The following ADAMTS20 variants were observed in gnomAD, a reference collection of about 807,000 sequenced individuals.
ADAMTS20 encodes A disintegrin and metalloproteinase with thrombospondin motifs 20.
In ADAMTS20, 225 loss-of-function variants were observed where a neutral mutation model predicts 260.1. The observed-to-expected ratio is 0.87, with a 90% CI of 0.78 to 0.97. The LOEUF (loss-of-function observed/expected upper bound fraction) is 0.97. Ranked by LOEUF, ADAMTS20 falls within the 50% of genes least tolerant of loss-of-function variation. The probability of loss-of-function intolerance (pLI) is 0.00; values close to 1 mark genes in which losing one functional copy is unlikely to be tolerated. For missense variants in ADAMTS20, 2,400 were observed against 2,337.7 expected, an observed-to-expected ratio of 1.03 and a Z score of -0.55; for synonymous variants, 802 against 769.5, an observed-to-expected ratio of 1.04 and a Z score of -0.70.
At chr12:43,454,848 T>G (rs1183503943) in intron 11 of ADAMTS20, among the ~76,000 whole-genome samples, 1 of 152,238 alleles carries the variant, frequency 6.6e-6, no homozygotes. Context: ...AGAGAAATTT[T>G]ATGTCTAAGT....
intron 12 of ADAMTS20, 145 bp downstream of exon 12, chr12:43,453,762 T>C: frequency 1.3e-6 from 1 of 747,416 alleles, no homozygotes. Flanking sequence ...AAAATATAAA[T>C]CAATGTGACT....
intron 7 of ADAMTS20, among the ~76,000 whole-genome samples, chr12:43,488,183 T>G (rs1418431693): frequency 6.6e-6 from 1 of 152,016 alleles, no homozygotes; most frequent in Non-Finnish European, 1.5e-5. Flanking sequence ...TAAAAAGTAA[T>G]GTTTAGATGA....
chr12:43,456,750 A>G (rs1191489342), intron 11 of ADAMTS20, among the ~76,000 whole-genome samples: 1 of 152,176 alleles, frequency 6.6e-6, no homozygotes, highest in African/African-American at 2.4e-5. Flanking sequence ...GTTGGACTGC[A>G]TAGTCTAAGC....
rs777956285 is a variant in ADAMTS20 at position 43,383,691 on chromosome 12, C to T, written c.4664G>A (p.Arg1555Gln). ...GATTTGGTTATCTGTGCACTCCATTCGTTGATGTGAATCTTTTCTCTCACA... is the reference window on the plus strand; with the variant it reads ...GATTTGGTTATCTGTGCACTCCATTTGTTGATGTGAATCTTTTCTCTCACA... ...TSCERKDSHQ[R>Q]MECTDNQIRQ... The change falls in exon 31 of 39, where the codon CGA becomes CAA. Residue 1555 changes from arginine to glutamine, a missense_variant. By Grantham distance (43) the Arg-to-Gln change is conservative (BLOSUM62 1). Transcript: ENST00000389420. 4.3e-6 allele frequency: 7 copies of T among 1,613,744 alleles called. No homozygotes were observed. The highest frequency in any genetic ancestry group is 2.2e-5 in the East Asian group (1 of 44,896).
chr12:43,385,157 C>T (rs1316607111), intron 29 of ADAMTS20, among the ~76,000 whole-genome samples: 2 of 152,116 alleles, frequency 1.3e-5, no homozygotes, highest in East Asian at 3.9e-4. Context: ...TTCTAACTGG[C>T]ATGAGATGGT....
At chr12:43,365,000 TC>T (rs978436863) in intron 37 of ADAMTS20, among the ~76,000 whole-genome samples, 2 of 150,074 alleles carry the variant, frequency 1.3e-5, no homozygotes, top group Non-Finnish European at 3.0e-5. Context: ...AAAGAGAAAA[TC>T]CCCAAAAACA....
intron 15 of ADAMTS20, among the ~76,000 whole-genome samples, chr12:43,444,652 G>T (rs892562876): frequency 2.6e-5 from 4 of 152,042 alleles, no homozygotes; most frequent in South Asian, 2.1e-4. Context: ...TTACATAGTT[G>T]TCCAAATACG....
At chr12:43,375,970 T>C in intron 35 of ADAMTS20, 87 bp downstream of exon 35, 2 of 946,110 alleles carry the variant, frequency 2.1e-6, no homozygotes, top group Non-Finnish European at 3.2e-6. Flanking sequence ...ACATGTAAGC[T>C]ATTCAAGTAT....
chr12:43,491,001 T>C (rs980139854), intron 6 of ADAMTS20, among the ~76,000 whole-genome samples: 2 of 152,096 alleles, frequency 1.3e-5, no homozygotes, highest in Non-Finnish European at 2.9e-5. Context: ...ATGGACTATA[T>C]ATAACATAAT....
At position 43,548,431 on chromosome 12, in the gene ADAMTS20, C is replaced by T. The variant is rs546880423; in HGVS notation, c.453+2478G>A. Among the ~76,000 whole-genome samples the T allele has an allele frequency of 4.6e-5, 7 of 152,176 alleles. No homozygotes were observed. In the East Asian group the frequency reaches 5.8e-4, roughly 13 times the overall value. The stretch of plus-strand genomic sequence containing the variant: ...CAAACAATTCATCTGGTCCAGGTTT[C>T]GGATACTACAGTTTACCTAGATACA... On this transcript the variant is annotated intron_variant, in intron 2 of 38. Coordinates refer to ENST00000389420, the MANE Select transcript of ADAMTS20 (RefSeq NM_025003.5).
intron 7 of ADAMTS20, among the ~76,000 whole-genome samples, chr12:43,483,181 A>C (rs551548605): frequency 6.6e-6 from 1 of 152,172 alleles, no homozygotes; most frequent in Non-Finnish European, 1.5e-5. Context: ...CCTTGCAGAC[A>C]TTCCCCAGCA....
chr12:43,355,338 T>A (rs1365790397), intron 38 of ADAMTS20, among the ~76,000 whole-genome samples: 2 of 152,216 alleles, frequency 1.3e-5, no homozygotes. Context: ...TGTAAGTATA[T>A]CTGGATTTTA....
rs186588247 is a variant in ADAMTS20 at position 43,527,153 on chromosome 12, C to G, written c.613+4883G>C. ...GAGTAAATCAGGAAGAAATAGAAAC[C>G]CTACACAGACCAATAACATGCAGTA... On this transcript the variant is annotated intron_variant, in intron 3 of 38. Transcript: ENST00000389420. Among the ~76,000 whole-genome samples, 160 of 152,122 alleles carry G rather than the reference C, an allele frequency of 1.1e-3. 1 individual carries two copies. The highest frequency in any genetic ancestry group is 2.8e-3 in the Admixed American group (42 of 15,270).
intron 7 of ADAMTS20, among the ~76,000 whole-genome samples, chr12:43,470,025 G>C (rs941826644): frequency 6.6e-6 from 1 of 152,042 alleles, no homozygotes; most frequent in African/African-American, 2.4e-5. Context: ...CTAAAATCAA[G>C]CAAGGAAAAA....
intron 22 of ADAMTS20, among the ~76,000 whole-genome samples, chr12:43,431,065 TA>T (rs1160322835): frequency 6.6e-6 from 1 of 152,164 alleles, no homozygotes; most frequent in Non-Finnish European, 1.5e-5. Flanking sequence ...ATTTATAATC[TA>T]AATAAAGCTG....
intron 26 of ADAMTS20, among the ~76,000 whole-genome samples, 178 bp downstream of exon 26, chr12:43,428,063 A>G (rs1436484150): frequency 6.6e-6 from 1 of 152,200 alleles, no homozygotes; most frequent in Non-Finnish European, 1.5e-5. Flanking sequence ...GCATAATTCA[A>G]TAAGAACTCT....
intron 2 of ADAMTS20, among the ~76,000 whole-genome samples, chr12:43,546,612 C>A (rs555672009): frequency 6.6e-6 from 1 of 152,146 alleles, no homozygotes; most frequent in South Asian, 2.1e-4. Flanking sequence ...TATTTAACAA[C>A]ATTATGAGAT....
At chr12:43,373,303 A>G (rs1411506034) in intron 36 of ADAMTS20, among the ~76,000 whole-genome samples, 1 of 152,232 alleles carries the variant, frequency 6.6e-6, no homozygotes, top group Non-Finnish European at 1.5e-5. Flanking sequence ...GTTAACAGCA[A>G]ATAAGCTATT....
intron 29 of ADAMTS20, among the ~76,000 whole-genome samples, chr12:43,385,225 T>C (rs929950894): frequency 2.0e-5 from 3 of 152,216 alleles, no homozygotes; most frequent in Non-Finnish European, 4.4e-5. Context: ...GAGCTTTTTT[T>C]CATATGTTTG....
Sources: gnomAD v4.1 joint callset for allele counts (sites outside exome capture counted in the v4.1 genomes callset) on GRCh38, gnomAD v4.1.1 for gene constraint, MANE v1.5 for transcripts, NCBI Gene and HGNC (gene_info 2026-07-23, HGNC 2026-07-21) for gene names.